Variants in NUAK1 observed in about 807,000 individuals in gnomAD.
NUAK1 encodes the protein NUAK family kinase 1.
Under a neutral mutation model 56.9 loss-of-function variants are expected in NUAK1, and 26 were observed. The ratio of observed to expected loss-of-function variants is 0.46; its 90% confidence interval spans 0.33 to 0.63. NUAK1 has a LOEUF of 0.63. Ranked by LOEUF, NUAK1 falls within the 30% of genes least tolerant of loss-of-function variation. The pLI is 0.02. For synonymous variants in NUAK1, 337 were observed against 336.0 expected (o/e 1.00, Z -0.03); for missense variants, 727 against 876.1 (o/e 0.83, Z 2.15).
At chr12:106,090,665 C>T (rs1353467574) in intron 2 of NUAK1, among the ~76,000 whole-genome samples, 1 of 152,184 alleles carries the variant, frequency 6.6e-6, no homozygotes. Context: ...CCCTCTGACC[C>T]TCCGCCTCCT....
At chr12:106,131,477 A>G (rs2033078993) in intron 1 of NUAK1, among the ~76,000 whole-genome samples, 1 of 152,130 alleles carries the variant, frequency 6.6e-6, no homozygotes, top group Admixed American at 6.5e-5. Flanking sequence ...CACTGAACAT[A>G]ATGTTTTCAA....
intron 1 of NUAK1, among the ~76,000 whole-genome samples, chr12:106,116,004 T>C (rs2032913242): frequency 6.6e-6 from 1 of 152,212 alleles, no homozygotes; most frequent in Non-Finnish European, 1.5e-5. Context: ...GCTGCAGACA[T>C]GGCCCATCCC....
intron 6 of NUAK1, among the ~76,000 whole-genome samples, chr12:106,069,715 T>G (rs1184437038): frequency 6.6e-6 from 1 of 152,202 alleles, no homozygotes; most frequent in African/African-American, 2.4e-5. Flanking sequence ...TATTCACAAA[T>G]TCAGTGTTTG....
At chr12:106,092,932 A>T (rs573001997) in intron 2 of NUAK1, among the ~76,000 whole-genome samples, 3 of 152,298 alleles carry the variant, frequency 2.0e-5, no homozygotes, top group Non-Finnish European at 2.9e-5. Flanking sequence ...ATTTTTCTGA[A>T]ATGGCTTTAT....
At chr12:106,086,920 G>A (rs193206353) in intron 2 of NUAK1, 35 bp from the exon 3 acceptor site, 83 of 1,594,498 alleles carry the variant, frequency 5.2e-5, no homozygotes, top group Admixed American at 2.0e-4. Context: ...CAAACACCCC[G>A]TTTAGCCAAC....
intron 4 of NUAK1, among the ~76,000 whole-genome samples, chr12:106,073,819 A>G (rs553371320): frequency 2.9e-4 from 43 of 150,258 alleles, no homozygotes; most frequent in Non-Finnish European, 5.8e-4. Context: ...TTCAATCTCA[A>G]AAAAAAAAAT....
chr12:106,082,029 C>A (rs1339081511), intron 4 of NUAK1, among the ~76,000 whole-genome samples: 2 of 152,234 alleles, frequency 1.3e-5, no homozygotes, highest in African/African-American at 4.8e-5. Context: ...GTTCAATTCC[C>A]TCTCCAGTGG....
At chr12:106,132,916 G>A (rs368599328) in intron 1 of NUAK1, among the ~76,000 whole-genome samples, 3 of 152,228 alleles carry the variant, frequency 2.0e-5, no homozygotes, top group East Asian at 1.9e-4. Flanking sequence ...ACATTGCCTG[G>A]GTCCAAACCT....
At chr12:106,072,551 A>G (rs989173448) in intron 5 of NUAK1, among the ~76,000 whole-genome samples, 173 bp downstream of exon 5, 1 of 152,218 alleles carries the variant, frequency 6.6e-6, no homozygotes, top group African/African-American at 2.4e-5. Flanking sequence ...GGGTTTCCCA[A>G]ATTTCCTCCC....
intron 1 of NUAK1, among the ~76,000 whole-genome samples, chr12:106,130,060 C>T (rs1394896158): frequency 1.3e-5 from 2 of 152,126 alleles, no homozygotes; most frequent in African/African-American, 2.4e-5. Flanking sequence ...TGACTCACTG[C>T]AACCTCCGCC....
chr12:106,113,778 T>C (rs189059013), intron 1 of NUAK1, among the ~76,000 whole-genome samples: 1 of 151,712 alleles, frequency 6.6e-6, no homozygotes, highest in Non-Finnish European at 1.5e-5. Context: ...AATTTACCCC[T>C]GGTAAATGGA....
chr12:106,076,817 A>T (rs2032469174), intron 4 of NUAK1, among the ~76,000 whole-genome samples: 2 of 152,196 alleles, frequency 1.3e-5, no homozygotes, highest in South Asian at 4.1e-4. Flanking sequence ...TCAGAGATGG[A>T]AAATAGAATG....
At chr12:106,113,289 A>C (rs1307791736) in intron 1 of NUAK1, among the ~76,000 whole-genome samples, 1 of 152,208 alleles carries the variant, frequency 6.6e-6, no homozygotes, top group East Asian at 1.9e-4. Context: ...GGCAAGAACC[A>C]AAGAAATAGC....
chr12:106,095,146 C>T (rs1220856881), intron 2 of NUAK1, among the ~76,000 whole-genome samples: 1 of 152,160 alleles, frequency 6.6e-6, no homozygotes, highest in African/African-American at 2.4e-5. Flanking sequence ...ATACACAACA[C>T]ACACACACCA....
intron 1 of NUAK1, among the ~76,000 whole-genome samples, chr12:106,130,507 TG>T (rs2033066830): frequency 6.6e-6 from 1 of 152,182 alleles, no homozygotes; most frequent in Non-Finnish European, 1.5e-5. Flanking sequence ...AGCCCCAATG[TG>T]GGGATGTTAG....
chr12:106,085,257 A>G (rs1430872876), intron 3 of NUAK1, among the ~76,000 whole-genome samples: 6 of 152,254 alleles, frequency 3.9e-5, no homozygotes, highest in African/African-American at 1.4e-4. Context: ...TATCAAAAAT[A>G]TCACCTCTGT....
chr12:106,083,032 A>T (rs1480490062), intron 4 of NUAK1, among the ~76,000 whole-genome samples: 2 of 152,210 alleles, frequency 1.3e-5, no homozygotes, highest in African/African-American at 4.8e-5. Context: ...CGTGGTCAAA[A>T]GGACATTCAG....
Position 106,106,385 on chromosome 12 carries a change from A to G in NUAK1, c.361+20T>C. ...AAATGGTAACTGATATGGGGGTTAA[A>G]AAAAAAAAAAATCACTGACCTTCAT... is the stretch of plus-strand genomic sequence containing the variant. On this transcript the variant is annotated intron_variant, in intron 2 of 6. Transcript: ENST00000261402. 6.6e-7 allele frequency: 1 copy of G among 1,513,074 alleles called. No homozygotes were observed. 93.7% of individuals were successfully genotyped at this position (1,513,074 alleles called of 1,614,324 possible).
chr12:106,126,435 A>G (rs778249597), intron 1 of NUAK1, among the ~76,000 whole-genome samples: 1 of 152,210 alleles, frequency 6.6e-6, no homozygotes, highest in Non-Finnish European at 1.5e-5. Flanking sequence ...TCAGACAGAC[A>G]TGGGTTGTAT....
Sources: gnomAD v4.1 joint callset for allele counts (sites outside exome capture counted in the v4.1 genomes callset) on GRCh38, gnomAD v4.1.1 for gene constraint, MANE v1.5 for transcripts, NCBI Gene and HGNC (gene_info 2026-07-23, HGNC 2026-07-21) for gene names.